The following FMNL2 variants were observed in gnomAD, a reference collection of about 807,000 sequenced individuals.
The protein encoded by FMNL2 is formin like 2, also known as formin-like protein 2.
Under a neutral mutation model 130.2 loss-of-function variants are expected in FMNL2, and 51 were observed. The ratio of observed to expected loss-of-function variants is 0.39; its 90% CI spans 0.31 to 0.49. The LOEUF is 0.49. Ranked by LOEUF, FMNL2 falls within the 20% of genes least tolerant of loss-of-function variation. The pLI is 0.85. For missense variants in FMNL2, 977 were observed against 1,316.2 expected (o/e 0.74, Z 3.99); for synonymous variants, 465 against 467.1 (o/e 1.00, Z 0.06).
At chr2:152,597,633 A>C (rs1298918833) in intron 9 of FMNL2, among the ~76,000 whole-genome samples, 2 of 152,198 alleles carry the variant, frequency 1.3e-5, no homozygotes, top group Non-Finnish European at 2.9e-5. Context: ...GTATTCACTC[A>C]TTGTTCCTTT....
intron 1 of FMNL2, among the ~76,000 whole-genome samples, chr2:152,461,146 A>G (rs1473734342): frequency 6.6e-6 from 1 of 152,244 alleles, no homozygotes; most frequent in Non-Finnish European, 1.5e-5. Context: ...GCTGAACAAT[A>G]GAAATATGTG....
At chr2:152,461,443 G>GA (rs1200368336) in intron 1 of FMNL2, among the ~76,000 whole-genome samples, 1 of 151,894 alleles carries the variant, frequency 6.6e-6, no homozygotes, top group Non-Finnish European at 1.5e-5. Flanking sequence ...ATTTTTGTTG[G>GA]AAATATTTGA....
At chr2:152,603,416 T>TA (rs35786972) in intron 9 of FMNL2, among the ~76,000 whole-genome samples, 1 of 139,272 alleles carries the variant, frequency 7.2e-6, no homozygotes, top group East Asian at 2.9e-4. Context: ...TTTTTTTTTT[T>TA]AAGATTAGAG....
intron 9 of FMNL2, among the ~76,000 whole-genome samples, chr2:152,584,578 A>G (rs1164725832): frequency 3.3e-5 from 5 of 152,240 alleles, no homozygotes; most frequent in African/African-American, 9.6e-5. Context: ...TACTAACGCA[A>G]TATGGAACCA....
intron 1 of FMNL2, among the ~76,000 whole-genome samples, chr2:152,359,842 T>A (rs1683060049): frequency 6.6e-6 from 1 of 152,222 alleles, no homozygotes; most frequent in Admixed American, 6.5e-5. Flanking sequence ...CTGTGCGATG[T>A]TTCATGTGTA....
intron 1 of FMNL2, among the ~76,000 whole-genome samples, chr2:152,392,756 C>T (rs1685186517): frequency 1.3e-5 from 2 of 152,312 alleles, no homozygotes; most frequent in South Asian, 2.1e-4. Context: ...CATAACACCC[C>T]CTGTCACCTA....
chr2:152,616,426 G>A (rs1200859730), intron 12 of FMNL2, among the ~76,000 whole-genome samples: 2 of 150,220 alleles, frequency 1.3e-5, no homozygotes, highest in African/African-American at 4.9e-5. Flanking sequence ...TGCCTCCTGG[G>A]TTCAAGTGAT....
In FMNL2 at chr2:152,628,298, G is replaced by A. The variant is rs1299575239; in HGVS notation, c.2166-1G>A. On this transcript the variant is annotated splice_acceptor_variant, in intron 17 of 25. Transcript: ENST00000288670. LOFTEE classifies it high-confidence loss of function. ...GCTAATCTCTCCACATCTGTCTTTA[G>A]ATTTGACTTGAAGACACTGCCTGTG... 1 of 1,613,092 alleles carries A rather than the reference G, an allele frequency of 6.2e-7. No homozygotes were observed.
At chr2:152,569,227 G>A (rs775996462) in intron 6 of FMNL2, among the ~76,000 whole-genome samples, 3 of 151,708 alleles carry the variant, frequency 2.0e-5, no homozygotes, top group Non-Finnish European at 4.4e-5. Flanking sequence ...CATGTATCTG[G>A]CAAGAGAAAT....
intron 9 of FMNL2, among the ~76,000 whole-genome samples, chr2:152,590,024 TATACATATAC>T (rs1374419750): frequency 2.9e-5 from 4 of 140,164 alleles, no homozygotes; most frequent in African/African-American, 8.2e-5. Context: ...TACATATATA[TATACATATAC>T]ATACATATAC....
chr2:152,442,341 T>G (rs1218132289), intron 1 of FMNL2, among the ~76,000 whole-genome samples: 1 of 151,872 alleles, frequency 6.6e-6, no homozygotes, highest in Admixed American at 6.6e-5. Flanking sequence ...GACCTCCTTC[T>G]CCCGGGTTTA....
chr2:152,356,762 C>G (rs370558419), intron 1 of FMNL2, among the ~76,000 whole-genome samples: 1 of 141,592 alleles, frequency 7.1e-6, no homozygotes, highest in Non-Finnish European at 1.5e-5. Context: ...GGTGATTTTG[C>G]TATTTAAAAC....
rs1688832861 is a variant in FMNL2, at chr2:152,454,343, A to G, written c.118-67600A>G. Among the ~76,000 whole-genome samples the G allele has an allele frequency of 2.0e-5, 3 of 152,156 alleles. No homozygotes were observed. The South Asian group carries it at 6.2e-4, about 32-fold the overall frequency. On this transcript the variant is annotated intron_variant, in intron 1 of 25. Coordinates refer to ENST00000288670, the MANE Select transcript of FMNL2 (RefSeq NM_052905.4). ...AAGAATATGAAATAAAGTGGCAAAT[A>G]TGGCTCATTTGATTATTTTCTTAAT... is the stretch of plus-strand genomic sequence containing the variant.
chr2:152,538,874 A>G (rs1694150866), intron 2 of FMNL2, among the ~76,000 whole-genome samples: 1 of 152,212 alleles, frequency 6.6e-6, no homozygotes, highest in African/African-American at 2.4e-5. Context: ...GGGAAAATAC[A>G]TAAGAAAATT....
At chr2:152,448,681 A>G (rs1178665147) in intron 1 of FMNL2, among the ~76,000 whole-genome samples, 1 of 152,270 alleles carries the variant, frequency 6.6e-6, no homozygotes, top group Non-Finnish European at 1.5e-5. Context: ...ACTCCTATGC[A>G]TTAGGCTCTG....
chr2:152,522,646 C>T (rs1333200989), intron 2 of FMNL2, among the ~76,000 whole-genome samples: 1 of 152,184 alleles, frequency 6.6e-6, no homozygotes, highest in Non-Finnish European at 1.5e-5. Context: ...TTTCCCTGCA[C>T]AAACTCTTTG....
intron 6 of FMNL2, 107 bp downstream of exon 6, chr2:152,561,142 C>A: frequency 8.5e-7 from 1 of 1,176,148 alleles, no homozygotes; most frequent in Non-Finnish European, 1.2e-6. Context: ...TGCCATACAG[C>A]ACTTTCATTT....
Position 152,415,351 on chromosome 2 carries a change from C to CT in FMNL2, c.117+79632dup, listed in dbSNP as rs1320318929. On this transcript the variant is annotated intron_variant, in intron 1 of 25. Coordinates refer to ENST00000288670, the MANE Select transcript of FMNL2 (RefSeq NM_052905.4). ...CGCAGCTCTGCTGCATTTTGAGTAC[C>CT]TGTGGGTAAATGACCTCACCTCTTC... 7.9e-5 allele frequency among the ~76,000 whole-genome samples: 12 copies of CT among 152,322 alleles called. No homozygotes were observed. The South Asian group carries it at 1.9e-3, about 24-fold the overall frequency.
intron 2 of FMNL2, among the ~76,000 whole-genome samples, chr2:152,523,253 T>G (rs769610097): frequency 2.0e-5 from 3 of 152,204 alleles, no homozygotes; most frequent in Non-Finnish European, 4.4e-5. Context: ...AATTACCATA[T>G]GGACATGGTG....
Sources: allele counts gnomAD v4.1 joint callset (sites outside exome capture counted in the v4.1 genomes callset), GRCh38; gene constraint gnomAD v4.1.1; transcripts MANE v1.5; gene names NCBI Gene and HGNC (gene_info 2026-07-23, HGNC 2026-07-21).